CFAP100: variants seen among roughly 807,000 people sequenced by gnomAD.
CFAP100 encodes cilia- and flagella-associated protein 100.
A neutral mutation model predicts 81.5 loss-of-function variants in CFAP100; 70 were observed. The observed-to-expected ratio is 0.86, with a 90% CI of 0.71 to 1.05. The LOEUF (loss-of-function observed/expected upper bound fraction) is 1.05. Among genes scored for constraint, CFAP100 ranks in the 50% least tolerant of loss-of-function variants. CFAP100 has a pLI of 0.00. For missense variants in CFAP100, 811 were observed against 776.5 expected, an observed-to-expected ratio of 1.04 and a Z score of -0.53; for synonymous variants, 341 against 314.8, an observed-to-expected ratio of 1.08 and a Z score of -0.88.
At chr3:126,435,736 G>T in intron 16 of CFAP100, 84 bp downstream of exon 16, 1 of 1,100,982 alleles carries the variant, frequency 9.1e-7, no homozygotes, top group Non-Finnish European at 1.3e-6. Flanking sequence ...CCAAGCCCCT[G>T]ATGCTACCAC....
chr3:126,411,639 A>G (rs1056114279), intron 3 of CFAP100, among the ~76,000 whole-genome samples: 21 of 151,942 alleles, frequency 1.4e-4, no homozygotes, highest in Non-Finnish European at 8.8e-5. Flanking sequence ...GATTTAATCT[A>G]GGAGAGTTGT....
At position 126,411,361 on chromosome 3, in the gene CFAP100, G is replaced by GTTTTTTTTTTTTTTTTTTTTTTTTTTT. The variant is rs58954079; in HGVS notation, c.131-2698_131-2697insTTTTTTTTTTTTTTTTTTTTTTTTTTT. 2.0e-4 allele frequency among the ~76,000 whole-genome samples: 7 copies of GTTTTTTTTTTTTTTTTTTTTTTTTTTT among 35,366 alleles called. 1 individual carries two copies. Among genetic ancestry groups the GTTTTTTTTTTTTTTTTTTTTTTTTTTT allele is most frequent in the Non-Finnish European group, 2.8e-4 (6 of 21,536 alleles). The allele number at this position is 35,366 out of a possible 152,430, so 23.2% of individuals were successfully genotyped here. ...TCTGTAGTTTTTTTTGTTGTTGTTG[G>GTTTTTTTTTTTTTTTTTTTTTTTTTTT]TTTTTTTTTTTTTTTTTTTTTTTTT... On this transcript the variant is annotated intron_variant, in intron 3 of 16. Coordinates refer to ENST00000352312, the MANE Select transcript of CFAP100 (RefSeq NM_182628.3).
intron 2 of CFAP100, among the ~76,000 whole-genome samples, chr3:126,400,683 C>T (rs911354957): frequency 3.3e-5 from 5 of 151,894 alleles, no homozygotes; most frequent in Non-Finnish European, 5.9e-5. Context: ...ACCCGGGAGG[C>T]GGAGCTTGCA....
chr3:126,406,566 C>T (rs912076227), intron 2 of CFAP100, among the ~76,000 whole-genome samples: 3 of 152,248 alleles, frequency 2.0e-5, no homozygotes, highest in Non-Finnish European at 4.4e-5. Flanking sequence ...GGAGACCCAG[C>T]AGTAACACCT....
At position 126,418,785 on chromosome 3, in the gene CFAP100, G is replaced by A. The variant is rs144087520; in HGVS notation, c.650+11G>A. The A allele has an allele frequency of 4.0e-5, 63 of 1,569,272 alleles. No individual in the cohort carries two copies. Among genetic ancestry groups the A allele is most frequent in the South Asian group, 1.3e-4 (11 of 84,090 alleles). ...GCAGGCCATGAGAGCGTGAGCCTGC[G>A]GGCCCGAGGGGCTGGCTGGGCAATG... is the stretch of plus-strand genomic sequence containing the variant. On this transcript the variant is annotated intron_variant, in intron 7 of 16. Transcript: ENST00000352312.
chr3:126,412,445 A>G (rs1292180006), intron 3 of CFAP100, among the ~76,000 whole-genome samples: 2 of 152,236 alleles, frequency 1.3e-5, no homozygotes, highest in African/African-American at 4.8e-5. Flanking sequence ...TTACTCAACC[A>G]AAGCATAATA....
chr3:126,419,255 G>A (rs2083291824), intron 8 of CFAP100, 99 bp downstream of exon 8: 2 of 747,202 alleles, frequency 2.7e-6, no homozygotes, highest in Admixed American at 6.0e-5. Context: ...TGAACCTCAT[G>A]GCTTTACCTC....
chr3:126,420,289 C>CA, intron 11 of CFAP100, 60 bp downstream of exon 11: 2 of 1,598,512 alleles, frequency 1.3e-6, no homozygotes, highest in Non-Finnish European at 1.7e-6. Flanking sequence ...TCCCTTGTGG[C>CA]ACCCATGTGT....
chr3:126,429,190 G>A (rs1159755842), intron 13 of CFAP100, among the ~76,000 whole-genome samples: 2 of 151,250 alleles, frequency 1.3e-5, no homozygotes, highest in Non-Finnish European at 2.9e-5. Context: ...ATGACACCAT[G>A]AGGTCCTGTG....
At chr3:126,396,354 C>T (rs2082889172) in intron 2 of CFAP100, 1 of 333,318 alleles carries the variant, frequency 3.0e-6, no homozygotes, top group Non-Finnish European at 5.5e-6. Flanking sequence ...TTCCGGGCCT[C>T]TCTCCTGGTT....
At chr3:126,416,032 G>C (rs535220164) in intron 4 of CFAP100, among the ~76,000 whole-genome samples, 3 of 152,194 alleles carry the variant, frequency 2.0e-5, no homozygotes, top group Non-Finnish European at 4.4e-5. Context: ...GAGAAAATGA[G>C]ACATCATCTT....
chr3:126,433,426 A>G, intron 14 of CFAP100: 1 of 562,906 alleles, frequency 1.8e-6, no homozygotes, highest in Non-Finnish European at 3.2e-6. Flanking sequence ...TCATTCTTTT[A>G]TTCAACAAAT....
At chr3:126,421,809 C>T (rs2083336273) in intron 11 of CFAP100, among the ~76,000 whole-genome samples, 1 of 152,248 alleles carries the variant, frequency 6.6e-6, no homozygotes, top group African/African-American at 2.4e-5. Context: ...GAAGACCAGC[C>T]ACCACTGGGG....
intron 13 of CFAP100, among the ~76,000 whole-genome samples, chr3:126,431,355 T>C (rs1243122921): frequency 1.3e-5 from 2 of 152,174 alleles, no homozygotes; most frequent in South Asian, 2.1e-4. Context: ...TCTTGGGAAA[T>C]ACCCCAAAAT....
At chr3:126,397,754 G>T (rs1030514847) in intron 2 of CFAP100, among the ~76,000 whole-genome samples, 3 of 152,238 alleles carry the variant, frequency 2.0e-5, no homozygotes, top group Admixed American at 2.0e-4. Flanking sequence ...GAGGACTGCT[G>T]AGCTCTGTGT....
intron 14 of CFAP100, 191 bp from the exon 15 acceptor site, chr3:126,433,985 C>T (rs543801980): frequency 4.0e-5 from 23 of 579,394 alleles, no homozygotes; most frequent in Non-Finnish European, 6.1e-5. Flanking sequence ...CCAGGGGGCC[C>T]GGGGGATAGG....
intron 13 of CFAP100, among the ~76,000 whole-genome samples, chr3:126,432,348 T>C (rs34296062): frequency 0.09 from 13,300 of 147,224 alleles, 730 homozygotes; most frequent in African/African-American, 0.13. Flanking sequence ...CCTAGATATA[T>C]ATTCGTGAGA....
chr3:126,434,059 A>T, intron 14 of CFAP100, 117 bp from the exon 15 acceptor site: 1 of 823,704 alleles, frequency 1.2e-6, no homozygotes, highest in Non-Finnish European at 2.0e-6. Context: ...CAGAGCTCCC[A>T]CTGTGTGCCA....
intron 11 of CFAP100, among the ~76,000 whole-genome samples, chr3:126,422,144 G>A (rs1372476030): frequency 6.6e-6 from 1 of 152,236 alleles, no homozygotes; most frequent in Non-Finnish European, 1.5e-5. Context: ...GAGGGAACAT[G>A]GGGGCTGAAG....
Sources: allele counts gnomAD v4.1 joint callset (sites outside exome capture counted in the v4.1 genomes callset), GRCh38; gene constraint gnomAD v4.1.1; transcripts MANE v1.5; gene names NCBI Gene and HGNC (gene_info 2026-07-23, HGNC 2026-07-21).